SGCD: variants seen among roughly 807,000 people sequenced by gnomAD.
The protein encoded by SGCD is sarcoglycan delta, also known as delta-sarcoglycan.
Under a neutral mutation model 36.6 loss-of-function variants are expected in SGCD, and 18 were observed. The ratio of observed to expected loss-of-function variants is 0.49; its 90% CI spans 0.34 to 0.73. SGCD has a LOEUF of 0.73. Among genes scored for constraint, SGCD ranks in the 30% least tolerant of loss-of-function variants. The pLI is 0.01. For synonymous variants in SGCD, 133 were observed against 130.6 expected, an observed-to-expected ratio of 1.02 and a Z score of -0.12; for missense variants, 387 against 346.7, an observed-to-expected ratio of 1.12 and a Z score of -0.92.
At chr5:156,335,462 G>T (rs1474801229) in intron 2 of SGCD, among the ~76,000 whole-genome samples, 1 of 152,052 alleles carries the variant, frequency 6.6e-6, no homozygotes, top group Non-Finnish European at 1.5e-5. Flanking sequence ...TCATATCCTG[G>T]AGTCTTAAAG....
chr5:156,559,002 C>T (rs1308624087), intron 4 of SGCD, among the ~76,000 whole-genome samples: 8 of 140,274 alleles, frequency 5.7e-5, no homozygotes, highest in South Asian at 2.2e-4. Flanking sequence ...ATTCACTTTG[C>T]GAAGAATAGG....
intron 1 of SGCD, among the ~76,000 whole-genome samples, chr5:155,934,972 G>A (rs1326425783): frequency 6.6e-6 from 1 of 152,216 alleles, no homozygotes; most frequent in Non-Finnish European, 1.5e-5. Flanking sequence ...AGTGTTCACA[G>A]ATAGACAACT....
intron 3 of SGCD, among the ~76,000 whole-genome samples, chr5:156,318,593 CTTT>C (rs199528833): frequency 2.8e-4 from 39 of 138,924 alleles, no homozygotes; most frequent in Non-Finnish European, 3.1e-4. Context: ...TGAATGACCT[CTTT>C]TTTTTTTTTT....
intron 2 of SGCD, among the ~76,000 whole-genome samples, chr5:156,331,772 T>C (rs773555704): frequency 2.0e-5 from 3 of 152,196 alleles, no homozygotes; most frequent in Non-Finnish European, 4.4e-5. Flanking sequence ...TCCGAACGAA[T>C]CATTCGACAA....
At chr5:155,747,606 A>G in the SGCD span, among the ~76,000 whole-genome samples, 2 of 152,224 alleles carry the variant, frequency 1.3e-5, no homozygotes, top group Non-Finnish European at 2.9e-5. Context: ...ACTGCCAGCT[A>G]CAAAGTGGTA....
At chr5:156,075,493 A>C (rs1760750761) in intron 1 of SGCD, among the ~76,000 whole-genome samples, 1 of 152,176 alleles carries the variant, frequency 6.6e-6, no homozygotes, top group Non-Finnish European at 1.5e-5. Flanking sequence ...TGGGATTTGG[A>C]ATAATCCAAA....
intron 3 of SGCD, among the ~76,000 whole-genome samples, chr5:156,441,052 A>G (rs1309625134): frequency 2.0e-5 from 3 of 152,150 alleles, no homozygotes; most frequent in Non-Finnish European, 4.4e-5. Flanking sequence ...TCTTACAGCT[A>G]TTAGATCCTT....
At chr5:156,552,983 T>C (rs1758856709) in intron 4 of SGCD, among the ~76,000 whole-genome samples, 1 of 152,200 alleles carries the variant, frequency 6.6e-6, no homozygotes, top group Admixed American at 6.5e-5. Context: ...TGGCTCATGA[T>C]TCTGATGGTT....
rs1321831976 is a variant in SGCD, at chr5:156,275,082, A to G, written c.-43-54452A>G. 3.9e-5 allele frequency among the ~76,000 whole-genome samples: 6 copies of G among 152,186 alleles called. No individual in the cohort carries two copies. In the East Asian group the frequency reaches 1.2e-3, roughly 29 times the overall value. ...GTTGACAACTAATTTAAAAATGTATAACTCAAGCCACATAAGACATAGGTG... is the reference window on the plus strand; with the variant it reads ...GTTGACAACTAATTTAAAAATGTATGACTCAAGCCACATAAGACATAGGTG... On this transcript the variant is annotated intron_variant, in intron 3 of 9. Transcript: ENST00000517913.
intron 3 of SGCD, among the ~76,000 whole-genome samples, chr5:156,438,047 C>T (rs1363365236): frequency 5.3e-5 from 8 of 152,122 alleles, no homozygotes; most frequent in African/African-American, 1.9e-4. Flanking sequence ...GCTGGATTTG[C>T]AACTTTAAAA....
the SGCD span, among the ~76,000 whole-genome samples, chr5:155,745,007 A>C: frequency 6.6e-6 from 1 of 152,248 alleles, no homozygotes; most frequent in Admixed American, 6.5e-5. Flanking sequence ...ATCCACCTGC[A>C]AAGGAACCAT....
At chr5:156,325,715 G>C (rs115714272), upstream of SGCD, among the ~76,000 whole-genome samples, 1,305 of 152,140 alleles carry the variant, frequency 8.6e-3, 21 homozygotes, top group African/African-American at 0.03. Flanking sequence ...CATTTGTCTG[G>C]GCCTCTACTT....
intron 3 of SGCD, among the ~76,000 whole-genome samples, chr5:156,215,915 C>T (rs113059922): frequency 4.7e-4 from 72 of 152,152 alleles, no homozygotes; most frequent in African/African-American, 1.7e-3. Context: ...TTCACAACAG[C>T]CTGACAGGAA....
At chr5:155,777,286 T>A in the SGCD span, among the ~76,000 whole-genome samples, 1 of 152,094 alleles carries the variant, frequency 6.6e-6, no homozygotes, top group East Asian at 1.9e-4. Flanking sequence ...TTGCTAGAAG[T>A]TCTTTTATAG....
At chr5:156,695,130 G>T (rs1754256985) in intron 7 of SGCD, among the ~76,000 whole-genome samples, 1 of 107,006 alleles carries the variant, frequency 9.3e-6, no homozygotes, top group Non-Finnish European at 2.0e-5. Context: ...GTGTGTGTGT[G>T]TGTGTGTTTG....
At chr5:155,794,234 G>T in the SGCD span, among the ~76,000 whole-genome samples, 38 of 152,186 alleles carry the variant, frequency 2.5e-4, no homozygotes, top group African/African-American at 8.4e-4. Context: ...AGAAAAAAAG[G>T]CAAATCTGAC....
At chr5:155,900,546 G>A (rs1197239302) in intron 1 of SGCD, among the ~76,000 whole-genome samples, 1 of 151,332 alleles carries the variant, frequency 6.6e-6, no homozygotes, top group Non-Finnish European at 1.5e-5. Flanking sequence ...CTAGCATTAG[G>A]TATATCTCCC....
At chr5:155,820,152 A>G in the SGCD span, among the ~76,000 whole-genome samples, 183 of 152,258 alleles carry the variant, frequency 1.2e-3, no homozygotes, top group Non-Finnish European at 2.3e-3. Context: ...TCCTTTATGC[A>G]TTTCTCAGCT....
At chr5:155,730,708 A>C in the SGCD span, among the ~76,000 whole-genome samples, 2 of 152,162 alleles carry the variant, frequency 1.3e-5, no homozygotes, top group South Asian at 4.1e-4. Context: ...ACACTCCAAA[A>C]CACAAAAGAA....
Sources: gnomAD v4.1 joint callset for allele counts (sites outside exome capture counted in the v4.1 genomes callset) on GRCh38, gnomAD v4.1.1 for gene constraint, MANE v1.5 for transcripts, NCBI Gene and HGNC (gene_info 2026-07-23, HGNC 2026-07-21) for gene names.